Variants in RALGPS2 observed in about 807,000 individuals in gnomAD.
RALGPS2 encodes the protein ras-specific guanine nucleotide-releasing factor RalGPS2.
In RALGPS2, 43 loss-of-function variants were observed where a neutral mutation model predicts 86.8. That is an observed-to-expected ratio of 0.50 (90% confidence interval 0.39 to 0.64). The LOEUF (loss-of-function observed/expected upper bound fraction) is 0.64, where lower values mean the gene tolerates loss of function less well. Among genes scored for constraint, RALGPS2 ranks in the 30% least tolerant of loss-of-function variants. The pLI, the probability that RALGPS2 is intolerant of heterozygous loss-of-function variation, is 0.00. For synonymous variants in RALGPS2, 243 were observed against 231.3 expected, an observed-to-expected ratio of 1.05 and a Z score of -0.46; for missense variants, 536 against 694.6, an observed-to-expected ratio of 0.77 and a Z score of 2.57.
rs892853581 is a variant in RALGPS2, at chr1:178,785,500, A to T, written c.163-57A>T. 2.7e-5 allele frequency: 40 copies of T among 1,501,044 alleles called. No homozygotes were observed. In the Middle Eastern group the frequency reaches 5.3e-4, roughly 20 times the overall value. The allele number at this position is 1,501,044 out of a possible 1,614,324, so 93.0% of individuals were successfully genotyped here. A position where few individuals can be genotyped will look rare whatever the true frequency, so the allele number is the denominator to read the frequency against. ...ATAGAATATAATTTTAATTTAGGTT[A>T]CATGTTATGGTATAGAATTCCAAAG... On this transcript the variant is annotated intron_variant, in intron 3 of 19. Coordinates refer to ENST00000367635, the MANE Select transcript of RALGPS2 (RefSeq NM_152663.5).
At chr1:178,795,456 AGGCTAGAGTG>A (rs1654145897) in intron 4 of RALGPS2, among the ~76,000 whole-genome samples, 1 of 152,090 alleles carries the variant, frequency 6.6e-6, no homozygotes, top group Admixed American at 6.5e-5. Context: ...TCTGTTGCCC[AGGCTAGAGTG>A]CAGTGGTGCG....
intron 18 of RALGPS2, among the ~76,000 whole-genome samples, chr1:178,903,064 G>A (rs1369769097): frequency 2.6e-5 from 4 of 152,090 alleles, no homozygotes; most frequent in African/African-American, 7.2e-5. Context: ...ATATCCCCAA[G>A]TGGTTGCTTT....
At chr1:178,898,712 T>C (rs933112691) in intron 17 of RALGPS2, among the ~76,000 whole-genome samples, 3 of 151,990 alleles carry the variant, frequency 2.0e-5, no homozygotes, top group African/African-American at 7.2e-5. Context: ...AGTGGGATCA[T>C]ATATATTCTT....
chr1:178,836,364 T>G (rs1656274221), intron 8 of RALGPS2, among the ~76,000 whole-genome samples: 1 of 152,244 alleles, frequency 6.6e-6, no homozygotes, highest in Non-Finnish European at 1.5e-5. Context: ...TTTCCCATCA[T>G]CTCCAATGAC....
At position 178,840,039 on chromosome 1, in the gene RALGPS2, C is replaced by A. The variant is rs1301689431; in HGVS notation, c.607+6489C>A. On this transcript the variant is annotated intron_variant, in intron 8 of 19. Coordinates refer to ENST00000367635, the MANE Select transcript of RALGPS2 (RefSeq NM_152663.5). ...ACCTACAAAGAGACTTAGACTCCCA[C>A]ACAATAATAATGGGAGACTTTAACA... 2.0e-5 allele frequency among the ~76,000 whole-genome samples: 3 copies of A among 152,138 alleles called. No individual in the cohort carries two copies. The East Asian group carries it at 5.8e-4, about 29-fold the overall frequency.
At chr1:178,890,399 T>C in intron 14 of RALGPS2, among the ~76,000 whole-genome samples, 1 of 151,994 alleles carries the variant, frequency 6.6e-6, no homozygotes, top group East Asian at 1.9e-4. Flanking sequence ...TTCAGACTCA[T>C]AAGGTATTTG....
At chr1:178,829,289 G>T (rs1655902218) in intron 7 of RALGPS2, among the ~76,000 whole-genome samples, 1 of 152,208 alleles carries the variant, frequency 6.6e-6, no homozygotes, top group Non-Finnish European at 1.5e-5. Context: ...TTTCAGTTAT[G>T]TAGAACAGGG....
Position 178,919,895 on chromosome 1 carries a change from G to A in RALGPS2, c.*3536G>A, listed in dbSNP as rs1397622672. On this transcript the variant is annotated 3_prime_UTR_variant, in exon 20 of 20. Transcript: ENST00000367635. The stretch of plus-strand genomic sequence containing the variant: ...CAAATCCTCTGCTTCAAAGGTTTTT[G>A]AAATAATTGGATCCCTTTTTGAAAA... The A allele has an allele frequency of 6.6e-6, 1 of 151,978 alleles. No homozygotes were observed. Among genetic ancestry groups the A allele is most frequent in the African/African-American group, 2.4e-5 (1 of 41,430 alleles). 9.4% of individuals were successfully genotyped at this position (151,978 alleles called of 1,614,324 possible).
chr1:178,779,659 A>G (rs1005293612), intron 2 of RALGPS2, among the ~76,000 whole-genome samples: 7 of 152,232 alleles, frequency 4.6e-5, no homozygotes, highest in African/African-American at 1.7e-4. Context: ...AAATAGTCCA[A>G]GCCTTTTCTC....
chr1:178,873,596 T>C (rs1658864545), intron 8 of RALGPS2, among the ~76,000 whole-genome samples: 1 of 152,206 alleles, frequency 6.6e-6, no homozygotes, highest in Non-Finnish European at 1.5e-5. Context: ...GTTTTGCTCC[T>C]AGGCATGTTT....
intron 4 of RALGPS2, 135 bp from the exon 5 acceptor site, chr1:178,807,907 TATA>T (rs1654815510): frequency 1.5e-6 from 1 of 683,736 alleles, no homozygotes; most frequent in Non-Finnish European, 2.6e-6. Context: ...ACTGAATGGA[TATA>T]ATATTATGTA....
intron 1 of RALGPS2, among the ~76,000 whole-genome samples, chr1:178,727,487 A>G (rs1197520579): frequency 6.6e-6 from 1 of 152,232 alleles, no homozygotes; most frequent in African/African-American, 2.4e-5. Context: ...TAATGCTTGC[A>G]TTGGCAGAAC....
At chr1:178,735,549 A>C (rs1209830143) in intron 1 of RALGPS2, among the ~76,000 whole-genome samples, 12 of 148,046 alleles carry the variant, frequency 8.1e-5, no homozygotes, top group Admixed American at 7.4e-4. Flanking sequence ...TCAGCCTCCC[A>C]AGTAGCTGGG....
At chr1:178,789,534 G>A (rs115568634) in intron 4 of RALGPS2, among the ~76,000 whole-genome samples, 3,266 of 152,322 alleles carry the variant, frequency 0.021, 42 homozygotes, top group Middle Eastern at 0.048. Context: ...AGAAAGGCTA[G>A]AGGAACAGAT....
At chr1:178,806,396 A>G (rs890308083) in intron 4 of RALGPS2, among the ~76,000 whole-genome samples, 8 of 152,196 alleles carry the variant, frequency 5.3e-5, no homozygotes, top group Admixed American at 3.3e-4. Flanking sequence ...CCTGTTTTCC[A>G]TATGTGCTGT....
At chr1:178,796,197 G>T (rs940108236) in intron 4 of RALGPS2, among the ~76,000 whole-genome samples, 8 of 152,148 alleles carry the variant, frequency 5.3e-5, no homozygotes, top group Admixed American at 5.2e-4. Flanking sequence ...GCCTGTATCT[G>T]TGATCTCATT....
At chr1:178,832,701 A>T (rs1334385277) in intron 7 of RALGPS2, among the ~76,000 whole-genome samples, 1 of 152,066 alleles carries the variant, frequency 6.6e-6, no homozygotes, top group African/African-American at 2.4e-5. Context: ...TAAAAAAAAA[A>T]ATTTTCCAGT....
At position 178,824,534 on chromosome 1, in the gene RALGPS2, A is replaced by G. The variant is rs1470122939; in HGVS notation, c.480+2830A>G. The stretch of plus-strand genomic sequence containing the variant: ...AGTTTATCCATTTTACGCCGGGTGC[A>G]GTGGTGGCTCATGCCTGTAACTCCA... On this transcript the variant is annotated intron_variant, in intron 7 of 19. Transcript: ENST00000367635. Among the ~76,000 whole-genome samples the G allele has an allele frequency of 2.0e-5, 3 of 152,048 alleles. No individual in the cohort carries two copies. In the East Asian group the frequency reaches 5.8e-4, roughly 29 times the overall value.
At chr1:178,897,083 T>C (rs1659981533) in intron 16 of RALGPS2, among the ~76,000 whole-genome samples, 1 of 151,868 alleles carries the variant, frequency 6.6e-6, no homozygotes, top group African/African-American at 2.4e-5. Context: ...CACCAACAAA[T>C]TTACAAGAAA....
Sources: gnomAD v4.1 joint callset for allele counts (sites outside exome capture counted in the v4.1 genomes callset) on GRCh38, gnomAD v4.1.1 for gene constraint, MANE v1.5 for transcripts, NCBI Gene and HGNC (gene_info 2026-07-23, HGNC 2026-07-21) for gene names.